WDR33: variants seen among roughly 807,000 people sequenced by gnomAD.
WDR33 encodes the protein WD repeat domain 33, also known as pre-mRNA 3' end processing protein WDR33.
WDR33 carries 47 observed loss-of-function variants against 164.9 expected under a neutral mutation model. The observed-to-expected ratio is 0.29, with a 90% CI of 0.23 to 0.36. The LOEUF is 0.36. Ranked by LOEUF, WDR33 falls within the 10% of genes least tolerant of loss-of-function variation. The pLI, the probability that WDR33 is intolerant of heterozygous loss-of-function variation, is 1.00. For synonymous variants in WDR33, 505 were observed against 589.0 expected, an observed-to-expected ratio of 0.86 and a Z score of 2.06; for missense variants, 1,137 against 1,754.1, an observed-to-expected ratio of 0.65 and a Z score of 6.28.
intron 1 of WDR33, among the ~76,000 whole-genome samples, chr2:127,793,247 A>G (rs368105368): frequency 6.6e-6 from 1 of 151,978 alleles, no homozygotes; most frequent in African/African-American, 2.4e-5. Context: ...CCTGGCCAAC[A>G]TGGTGAAACC....
At position 127,713,673 on chromosome 2, in the gene WDR33, G is replaced by C; in HGVS notation, c.3218C>G (p.Pro1073Arg). The stretch of plus-strand genomic sequence containing the variant: ...CCTGCGGCCTTCCCATGCCCCCGGA[G>C]GGCCTCGGGCTGCACCCCGGCCATC... ...EGDGRGAARGPPGAWEGRRPG... is the reference protein window; with the variant it reads ...EGDGRGAARGRPGAWEGRRPG... Residue 1073 changes from proline to arginine, a missense_variant, in exon 18 of 22, where the codon CCT becomes CGT. This residue lies in a region of WDR33 where 867 missense variants were observed against 1,073.0 expected (regional missense o/e 0.81). Coordinates refer to ENST00000322313, the MANE Select transcript of WDR33 (RefSeq NM_018383.5). This position sits in a 1 kb window ranked among gnomAD's most constrained non-coding sequence, Gnocchi z 6.2. 6.2e-7 allele frequency: 1 copy of C among 1,614,234 alleles called. No individual in the cohort carries two copies. The highest frequency in any genetic ancestry group is 8.5e-7 in the Non-Finnish European group (1 of 1,180,042).
chr2:127,762,212 G>A (rs893982830), intron 7 of WDR33, among the ~76,000 whole-genome samples: 1 of 152,254 alleles, frequency 6.6e-6, no homozygotes, highest in African/African-American at 2.4e-5. Flanking sequence ...TCAAGGGTAC[G>A]GAGTAGAAGG....
At chr2:127,737,921 A>G (rs1573901614) in intron 7 of WDR33, 1 of 1,555,474 alleles carries the variant, frequency 6.4e-7, no homozygotes, top group Admixed American at 2.0e-5. Context: ...TGTAATTTGA[A>G]TCTATGTTTT....
chr2:127,773,655 CTG>C (rs138108615), intron 1 of WDR33, among the ~76,000 whole-genome samples: 1,966 of 152,266 alleles, frequency 0.013, 42 homozygotes, highest in African/African-American at 0.044. Flanking sequence ...TGGTGGAAGA[CTG>C]TTTACTCAGT....
chr2:127,718,236 C>T lies in WDR33; in HGVS notation c.2761-973G>A, dbSNP rs1346815898. On this transcript the variant is annotated intron_variant, in intron 16 of 21. Transcript: ENST00000322313. The surrounding 1 kb of genome is among the most constrained non-coding windows in gnomAD (Gnocchi z 4.4). ...AATGGTCATCTTTACATTAGGGATT[C>T]GTGGTGGTATTTGAAAAACCAAAAC... Among the ~76,000 whole-genome samples the T allele has an allele frequency of 3.9e-5, 6 of 152,116 alleles. No individual in the cohort carries two copies. Among genetic ancestry groups the T allele is most frequent in the East Asian group, 1.9e-4 (1 of 5,168 alleles).
chr2:127,722,644 C>G lies in WDR33; in HGVS notation c.1465G>C (p.Val489Leu). The change falls in exon 14 of 22, where the codon GTA (valine) becomes CTA (leucine). Residue 489 changes from valine to leucine, a missense_variant. By Grantham distance (32) the Val-to-Leu change is conservative (BLOSUM62 1). Coordinates refer to ENST00000322313, the MANE Select transcript of WDR33 (RefSeq NM_018383.5). This position sits in a 1 kb window ranked among gnomAD's most constrained non-coding sequence, Gnocchi z 5.1. ...GCATAAGGAACTTTCTTCTGAGGTA[C>G]TTTTTTCTGATCCTTTTGCATCACT... ...EEVMQKDQKK[V>L]PQKKVPYAKP... is the part of the protein sequence containing the mutation. The G allele has an allele frequency of 6.2e-7, 1 of 1,614,080 alleles. No individual in the cohort carries two copies. The highest frequency in any genetic ancestry group is 8.5e-7 in the Non-Finnish European group (1 of 1,179,990).
rs1688761631 is a variant in WDR33 at position 127,789,396 on chromosome 2, T to C, written c.-23-18392A>G. ...GTGAGCCGAGATCACGCCACTGCAC[T>C]CCAGCCTGGGCACCATTGAGCACTG... On this transcript the variant is annotated intron_variant, in intron 1 of 21. Coordinates refer to ENST00000322313, the MANE Select transcript of WDR33 (RefSeq NM_018383.5). 4.3e-5 allele frequency among the ~76,000 whole-genome samples: 5 copies of C among 117,230 alleles called. No individual in the cohort carries two copies. The South Asian group carries it at 1.8e-3, about 42-fold the overall frequency. The allele number at this position is 117,230 out of a possible 152,430, so 76.9% of individuals were successfully genotyped here. A position where few individuals can be genotyped will look rare whatever the true frequency, so the allele number is the denominator to read the frequency against.
rs1687982265 is a variant in WDR33, at chr2:127,770,925, G to A, written c.57C>T (p.His19=). The part of the protein sequence containing the change: ...PRFFHMPRFQ[H]QAPRQLFYKR... ...TATAAAACAGCTGTCGAGGTGCCTGGTGCTGGAACCTTGGCATATGGAAAA... is the reference window on the plus strand; with the variant it reads ...TATAAAACAGCTGTCGAGGTGCCTGATGCTGGAACCTTGGCATATGGAAAA... Residue 19 remains histidine, a synonymous_variant, in exon 2 of 22, where the codon CAC becomes CAT. Coordinates refer to ENST00000322313, the MANE Select transcript of WDR33 (RefSeq NM_018383.5). This position sits in a 1 kb window ranked among gnomAD's most constrained non-coding sequence, Gnocchi z 4.9. 4 of 1,614,110 alleles carry A rather than the reference G, an allele frequency of 2.5e-6. No homozygotes were observed. The African/African-American group carries it at 5.3e-5, about 22-fold the overall frequency.
At position 127,708,923 on chromosome 2, in the gene WDR33, A is replaced by G. The variant is rs1307559070; in HGVS notation, c.3566-31T>C. The G allele has an allele frequency of 6.6e-7, 1 of 1,520,850 alleles. No homozygotes were observed. Among genetic ancestry groups the G allele is most frequent in the East Asian group, 2.3e-5 (1 of 43,446 alleles). 94.2% of individuals were successfully genotyped at this position (1,520,850 alleles called of 1,614,324 possible). The stretch of plus-strand genomic sequence containing the variant: ...ACAAGAAACAAATCTCCTTACAGGA[A>G]AGCACAGTGTGACCAGAAGTAGATG... On this transcript the variant is annotated intron_variant, in intron 20 of 21. Transcript: ENST00000322313. The surrounding 1 kb of genome is among the most constrained non-coding windows in gnomAD (Gnocchi z 6.7).
chr2:127,701,476 G>A lies in WDR33; in HGVS notation c.*4847C>T, dbSNP rs1685874858. On this transcript the variant is annotated 3_prime_UTR_variant, in exon 22 of 22. Transcript: ENST00000322313. The stretch of plus-strand genomic sequence containing the variant: ...CGCCCGAAGACCGAACCGCTTCAGC[G>A]GAGGGCCGGAAGTGAGCCGCAGCTT... The A allele has an allele frequency of 8.0e-7, 1 of 1,247,220 alleles. No individual in the cohort carries two copies. The highest frequency in any genetic ancestry group is 3.2e-5 in the East Asian group (1 of 31,312). 77.3% of individuals were successfully genotyped at this position (1,247,220 alleles called of 1,614,324 possible). A position where few individuals can be genotyped will look rare whatever the true frequency, so the allele number is the denominator to read the frequency against.
intron 7 of WDR33, chr2:127,737,348 G>GGT (rs529597730): frequency 3.0e-6 from 3 of 985,344 alleles, no homozygotes; most frequent in Non-Finnish European, 3.6e-6. Context: ...AGTACTCTGA[G>GGT]GTGTGTGTGT....
Position 127,709,557 on chromosome 2 carries a change from A to C in WDR33, c.3498T>G (p.Thr1166=). The C allele has an allele frequency of 6.2e-7, 1 of 1,614,062 alleles. No homozygotes were observed. Among genetic ancestry groups the C allele is most frequent in the Non-Finnish European group, 8.5e-7 (1 of 1,179,892 alleles). The change falls in exon 20 of 22, where the codon ACT becomes ACG. Residue 1166 remains threonine, a synonymous_variant. Coordinates refer to ENST00000322313, the MANE Select transcript of WDR33 (RefSeq NM_018383.5). This position sits in a 1 kb window ranked among gnomAD's most constrained non-coding sequence, Gnocchi z 5.0. ...CTTCAAAGCGAGGGAACTCGTCAGG[A>C]GTGGGAAGTAAACCCTTCCTTCCTC... ...PRGGRKGLLP[T]PDEFPRFEGG...
At chr2:127,752,364 G>T (rs569464735) in intron 7 of WDR33, among the ~76,000 whole-genome samples, 1 of 151,990 alleles carries the variant, frequency 6.6e-6, no homozygotes, top group Non-Finnish European at 1.5e-5. Flanking sequence ...GCCGAGGCGG[G>T]TGGATCATGA....
At chr2:127,751,397 A>ATAATAT (rs1239883914) in intron 7 of WDR33, among the ~76,000 whole-genome samples, 17 of 134,728 alleles carry the variant, frequency 1.3e-4, no homozygotes, top group Non-Finnish European at 2.6e-4. Flanking sequence ...AATAATAATA[A>ATAATAT]TAATATTGAT....
At chr2:127,792,221 G>C (rs1348554799) in intron 1 of WDR33, among the ~76,000 whole-genome samples, 2 of 151,844 alleles carry the variant, frequency 1.3e-5, no homozygotes, top group East Asian at 1.9e-4. Flanking sequence ...TTACAAGCGT[G>C]AGCCACCACA....
rs1057051699 is a variant in WDR33, at chr2:127,770,200, T to C, written c.204+578A>G. ...TACTCCCTTCTAATTTGTGAACTTT[T>C]AGAGCAAATCCTATTTCTAAAATGG... is the stretch of plus-strand genomic sequence containing the variant. On this transcript the variant is annotated intron_variant, in intron 2 of 21. Coordinates refer to ENST00000322313, the MANE Select transcript of WDR33 (RefSeq NM_018383.5). The surrounding 1 kb of genome is among the most constrained non-coding windows in gnomAD (Gnocchi z 4.9). Among the ~76,000 whole-genome samples, 1 of 152,234 alleles carries C rather than the reference T, an allele frequency of 6.6e-6. No homozygotes were observed.
intron 7 of WDR33, chr2:127,762,752 A>C: frequency 9.0e-7 from 1 of 1,110,192 alleles, no homozygotes; most frequent in Non-Finnish European, 1.1e-6. Context: ...TATGTTGGGA[A>C]CAAGTACCCT....
intron 7 of WDR33, among the ~76,000 whole-genome samples, chr2:127,758,149 T>C (rs1687573589): frequency 6.6e-6 from 1 of 152,188 alleles, no homozygotes; most frequent in Non-Finnish European, 1.5e-5. Flanking sequence ...AAATATATTA[T>C]ACATTCACTA....
chr2:127,737,365 G>A (rs1686876473), intron 7 of WDR33: 3 of 985,172 alleles, frequency 3.0e-6, no homozygotes, highest in Non-Finnish European at 3.6e-6. Flanking sequence ...GTGTACATAT[G>A]TGTGTGTGTA....
Sources: gnomAD v4.1 joint callset for allele counts (sites outside exome capture counted in the v4.1 genomes callset) on GRCh38, gnomAD v4.1.1 for gene constraint, gnomAD v4.1.1 regional missense constraint, Gnocchi (gnomAD v3.1) non-coding constraint, MANE v1.5 for transcripts, NCBI Gene and HGNC (gene_info 2026-07-23, HGNC 2026-07-21) for gene names.